PTCHD4: variants seen among roughly 807,000 people sequenced by gnomAD.
PTCHD4 encodes patched domain containing 4.
In PTCHD4, 33 loss-of-function variants were observed where a neutral mutation model predicts 58.1. The observed-to-expected ratio is 0.57, with a 90% CI of 0.43 to 0.76. PTCHD4 has a LOEUF of 0.76. PTCHD4 is among the 30% of genes least tolerant of loss of function. PTCHD4 has a pLI of 0.00. For missense variants in PTCHD4, 1,058 were observed against 1,027.1 expected, an observed-to-expected ratio of 1.03 and a Z score of -0.41; for synonymous variants, 478 against 409.6, an observed-to-expected ratio of 1.17 and a Z score of -2.02.
intron 1 of PTCHD4, among the ~76,000 whole-genome samples, chr6:48,108,366 A>G (rs1765788654): frequency 6.6e-6 from 1 of 151,120 alleles, no homozygotes; most frequent in Non-Finnish European, 1.5e-5. Context: ...AAAACCAAAC[A>G]CCGCATGTTC....
rs1763528314 is a variant in PTCHD4 at position 47,865,183 on chromosome 6, G to A, written c.*13120C>T. On this transcript the variant is annotated 3_prime_UTR_variant, in exon 5 of 5. Coordinates refer to ENST00000339488, the MANE Select transcript of PTCHD4 (RefSeq NM_001384253.1). ...GTAGATAAGAGTTATATATACCTGA[G>A]TATCCAGTAATTTTACATGGAAAAA... Among the ~76,000 whole-genome samples the A allele has an allele frequency of 6.6e-6, 1 of 151,868 alleles. No homozygotes were observed. Among genetic ancestry groups the A allele is most frequent in the Admixed American group, 6.6e-5 (1 of 15,232 alleles).
intron 4 of PTCHD4, chr6:47,901,978 T>C (rs1465025967): frequency 4.1e-6 from 5 of 1,206,122 alleles, no homozygotes; most frequent in Non-Finnish European, 5.6e-6. Flanking sequence ...AGTTATGTTA[T>C]ATTTCTAGCC....
intron 3 of PTCHD4, among the ~76,000 whole-genome samples, chr6:48,060,153 A>G (rs568990860): frequency 6.6e-6 from 1 of 152,198 alleles, no homozygotes; most frequent in African/African-American, 2.4e-5. Flanking sequence ...AGCAGACACA[A>G]AAGTTTCCTA....
At chr6:47,979,310 G>A (rs1042161849) in intron 4 of PTCHD4, among the ~76,000 whole-genome samples, 1 of 151,690 alleles carries the variant, frequency 6.6e-6, no homozygotes, top group Non-Finnish European at 1.5e-5. Flanking sequence ...ATTAAGACTT[G>A]TGCATTTATT....
intron 4 of PTCHD4, among the ~76,000 whole-genome samples, chr6:47,973,947 C>T (rs1767603481): frequency 6.6e-6 from 1 of 152,112 alleles, no homozygotes; most frequent in Non-Finnish European, 1.5e-5. Flanking sequence ...AAGCTATTGC[C>T]AGCAATTGCC....
chr6:47,864,665 C>T lies in PTCHD4; in HGVS notation c.*13638G>A, dbSNP rs1285007005. Among the ~76,000 whole-genome samples, 1 of 123,208 alleles carries T rather than the reference C, an allele frequency of 8.1e-6. No individual in the cohort carries two copies. Among genetic ancestry groups the T allele is most frequent in the African/African-American group, 2.8e-5 (1 of 35,252 alleles). The allele number at this position is 123,208 out of a possible 152,430, so 80.8% of individuals were successfully genotyped here. ...AAGTTGTTATCTGCTTCCTCATCCT[C>T]ACGTATTTTAGTTCTATGACTGTAG... On this transcript the variant is annotated 3_prime_UTR_variant, in exon 5 of 5. Transcript: ENST00000339488.
chr6:48,096,227 G>C lies in PTCHD4; in HGVS notation c.-970+14822C>G, dbSNP rs539114606. Among the ~76,000 whole-genome samples the C allele has an allele frequency of 7.2e-5, 11 of 152,266 alleles. No homozygotes were observed. In the East Asian group the frequency reaches 1.2e-3, roughly 16 times the overall value. ...TTCTTGAAGAAAAAATCATTCAGCAGATAGAGAAAGGAGGATAGAGATTGA... is the reference window on the plus strand; with the variant it reads ...TTCTTGAAGAAAAAATCATTCAGCACATAGAGAAAGGAGGATAGAGATTGA... On this transcript the variant is annotated intron_variant, in intron 1 of 4. Coordinates refer to ENST00000339488, the MANE Select transcript of PTCHD4 (RefSeq NM_001384253.1).
intron 4 of PTCHD4, among the ~76,000 whole-genome samples, chr6:47,949,362 AG>A (rs1327492141): frequency 6.6e-6 from 1 of 152,166 alleles, no homozygotes; most frequent in African/African-American, 2.4e-5. Flanking sequence ...AGATATGACC[AG>A]GTGGGGCAGA....
intron 1 of PTCHD4, among the ~76,000 whole-genome samples, chr6:48,072,372 G>T (rs995518339): frequency 9.9e-5 from 15 of 151,932 alleles, no homozygotes; most frequent in Admixed American, 9.2e-4. Context: ...TCCAGCTTTG[G>T]CCACTGAAAG....
chr6:47,892,465 C>A (rs1764410479), intron 4 of PTCHD4, among the ~76,000 whole-genome samples: 1 of 152,142 alleles, frequency 6.6e-6, no homozygotes, highest in Non-Finnish European at 1.5e-5. Context: ...TTAATAACTT[C>A]TTTTTGTCCC....
intron 4 of PTCHD4, among the ~76,000 whole-genome samples, chr6:47,909,390 C>T (rs1764995303): frequency 6.6e-6 from 1 of 152,036 alleles, no homozygotes; most frequent in African/African-American, 2.4e-5. Flanking sequence ...ATGATATTAT[C>T]ATAAACCAGT....
chr6:48,085,231 AC>A (rs1765240667), intron 1 of PTCHD4, among the ~76,000 whole-genome samples: 1 of 152,104 alleles, frequency 6.6e-6, no homozygotes, highest in Admixed American at 6.6e-5. Context: ...GGGTTTAAAT[AC>A]CTTACATTTT....
intron 1 of PTCHD4, among the ~76,000 whole-genome samples, chr6:48,077,183 T>G (rs534420139): frequency 1.3e-5 from 2 of 152,262 alleles, no homozygotes; most frequent in East Asian, 3.9e-4. Flanking sequence ...GGCTTTGTTG[T>G]TTCATTTGTT....
chr6:47,866,247 G>T lies in PTCHD4; in HGVS notation c.*12056C>A, dbSNP rs1015406751. On this transcript the variant is annotated 3_prime_UTR_variant, in exon 5 of 5. Transcript: ENST00000339488. ...TTTATTGGATTAAATGTGTTGACTT[G>T]GTTGTCTAAGCCACTGTTTTTCAAA... 6.6e-6 allele frequency among the ~76,000 whole-genome samples: 1 copy of T among 151,836 alleles called. No individual in the cohort carries two copies. Among genetic ancestry groups the T allele is most frequent in the African/African-American group, 2.4e-5 (1 of 41,384 alleles).
At chr6:48,079,970 AT>A (rs141629864) in intron 1 of PTCHD4, among the ~76,000 whole-genome samples, 2,032 of 75,426 alleles carry the variant, frequency 0.027, 3 homozygotes, top group African/African-American at 0.061. Context: ...CCTTATGATG[AT>A]TTTTTTTTTT....
In PTCHD4 at chr6:47,861,727, C is replaced by G. The variant is rs192080863; in HGVS notation, c.*16576G>C. 3.3e-5 allele frequency among the ~76,000 whole-genome samples: 5 copies of G among 151,990 alleles called. No individual in the cohort carries two copies. The highest frequency in any genetic ancestry group is 5.9e-5 in the Non-Finnish European group (4 of 67,854). Reference sequence around the variant, plus strand: ...CTCTAGTTTTGCCAATGTCTCATAACAAATGTTTCAGTGAAAGCAAATAGT... The same window carrying G: ...CTCTAGTTTTGCCAATGTCTCATAAGAAATGTTTCAGTGAAAGCAAATAGT... On this transcript the variant is annotated 3_prime_UTR_variant, in exon 5 of 5. Transcript: ENST00000339488.
chr6:48,051,168 G>T (rs184432994), intron 3 of PTCHD4, among the ~76,000 whole-genome samples: 1 of 151,836 alleles, frequency 6.6e-6, no homozygotes, highest in African/African-American at 2.4e-5. Flanking sequence ...GATTTAATAT[G>T]ACCTTTTATA....
At chr6:48,094,008 G>T (rs1265180591) in intron 1 of PTCHD4, among the ~76,000 whole-genome samples, 1 of 152,164 alleles carries the variant, frequency 6.6e-6, no homozygotes, top group East Asian at 1.9e-4. Context: ...GACATAAAAT[G>T]TGTAATAGGG....
chr6:47,915,571 ATTT>A lies in PTCHD4; in HGVS notation c.899-35638_899-35636del, dbSNP rs35234678. On this transcript the variant is annotated intron_variant, in intron 4 of 4. Transcript: ENST00000339488. Reference sequence around the variant, plus strand: ...AAGACTCATAGAAAATAGAAGACAGATTTTTTTTTTTTTTTGCATGTTAGAAAA... The same window carrying A: ...AAGACTCATAGAAAATAGAAGACAGATTTTTTTTTTTTGCATGTTAGAAAA... 5.1e-3 allele frequency among the ~76,000 whole-genome samples: 745 copies of A among 144,688 alleles called. 8 individuals carry two copies. The highest frequency in any genetic ancestry group is 0.017 in the African/African-American group (657 of 39,400). The allele number at this position is 144,688 out of a possible 152,430, so 94.9% of individuals were successfully genotyped here.
Sources: gnomAD v4.1 joint callset for allele counts (sites outside exome capture counted in the v4.1 genomes callset) on GRCh38, gnomAD v4.1.1 for gene constraint, MANE v1.5 for transcripts, NCBI Gene and HGNC (gene_info 2026-07-23, HGNC 2026-07-21) for gene names.